THSD7A: variants seen among roughly 807,000 people sequenced by gnomAD.
THSD7A encodes thrombospondin type-1 domain-containing protein 7A.
In THSD7A, 96 loss-of-function variants were observed where a neutral mutation model predicts 231.3. The ratio of observed to expected loss-of-function variants is 0.41; its 90% CI spans 0.35 to 0.49. THSD7A has a LOEUF of 0.49. Ranked by LOEUF, THSD7A falls within the 20% of genes least tolerant of loss-of-function variation. The pLI is 0.05. For missense variants in THSD7A, 2,290 were observed against 2,070.2 expected (o/e 1.11, Z -2.06); for synonymous variants, 940 against 743.3 (o/e 1.26, Z -4.30).
rs775999085 is a variant in THSD7A at position 11,636,433 on chromosome 7, A to G, written c.719T>C (p.Val240Ala). The G allele has an allele frequency of 6.8e-6, 11 of 1,613,540 alleles. No homozygotes were observed. Among genetic ancestry groups the G allele is most frequent in the Middle Eastern group, 1.6e-4 (1 of 6,084 alleles). The stretch of plus-strand genomic sequence containing the variant: ...GGCCTCGCATGGACTGGATTGGCAC[A>G]CCTGGAACTCCGTCAGGTTTGGACA... ...SGCPNLTEFQ[V>A]CQSSPCEAEE... is the part of the protein sequence containing the mutation. The change falls in exon 2 of 28, where the codon GTG becomes GCG. Residue 240 changes from valine (V) to alanine (A), a missense_variant. Physicochemically the swap from Val to Ala is moderately conservative, Grantham distance 64. Coordinates refer to ENST00000423059, the MANE Select transcript of THSD7A (RefSeq NM_015204.3). This position sits in a 1 kb window ranked among gnomAD's most constrained non-coding sequence, Gnocchi z 10.0.
chr7:11,813,277 T>A (rs535196201), intron 1 of THSD7A, among the ~76,000 whole-genome samples: 4 of 152,346 alleles, frequency 2.6e-5, no homozygotes, highest in South Asian at 4.1e-4. Context: ...TAAATGCACT[T>A]TTATTCTTAT....
chr7:11,779,526 T>C lies in THSD7A; in HGVS notation c.190+52231A>G, dbSNP rs372707820. ...TCTTCACCCATATGTTTTGCTGTCT[T>C]ACTCAAGGGCATGTTCTTTCTTTGA... On this transcript the variant is annotated intron_variant, in intron 1 of 27. Coordinates refer to ENST00000423059, the MANE Select transcript of THSD7A (RefSeq NM_015204.3). 5.3e-5 allele frequency among the ~76,000 whole-genome samples: 8 copies of C among 152,332 alleles called. No homozygotes were observed. The East Asian group carries it at 1.5e-3, about 29-fold the overall frequency.
intron 1 of THSD7A, among the ~76,000 whole-genome samples, chr7:11,817,117 C>T (rs199942813): frequency 6.6e-6 from 1 of 152,096 alleles, no homozygotes; most frequent in Non-Finnish European, 1.5e-5. Flanking sequence ...AGATTTTGAA[C>T]CACGTATATT....
rs149912288 is a variant in THSD7A, at chr7:11,716,939, C to G, written c.191-79978G>C. Among the ~76,000 whole-genome samples, 692 of 151,552 alleles carry G rather than the reference C, an allele frequency of 4.6e-3. 3 individuals carry two copies. Among genetic ancestry groups the G allele is most frequent in the Non-Finnish European group, 6.2e-3 (419 of 67,680 alleles). On this transcript the variant is annotated intron_variant, in intron 1 of 27. Transcript: ENST00000423059. ...AAATACCCTGAGTGGTAACGAATAC[C>G]CTTTATGAAATAGAACCACCTTTCT...
Position 11,488,047 on chromosome 7 carries a change from T to C in THSD7A, c.1823-6065A>G, listed in dbSNP as rs1359443927. On this transcript the variant is annotated intron_variant, in intron 6 of 27. Coordinates refer to ENST00000423059, the MANE Select transcript of THSD7A (RefSeq NM_015204.3). ...TGCAACTCACAACATAATGGAATTG[T>C]AAGCAGAAAGGAGAAATTGAAGCAG... Among the ~76,000 whole-genome samples the C allele has an allele frequency of 1.1e-4, 17 of 152,134 alleles. 1 individual carries two copies. The highest frequency in any genetic ancestry group is 1.1e-3 in the Admixed American group (17 of 15,258).
chr7:11,629,478 G>T (rs987787504), intron 2 of THSD7A, among the ~76,000 whole-genome samples: 1 of 152,148 alleles, frequency 6.6e-6, no homozygotes, highest in East Asian at 1.9e-4. Flanking sequence ...AGATCTAAAA[G>T]CCTGCTATTT....
At chr7:11,705,893 CT>C (rs1361491470) in intron 1 of THSD7A, among the ~76,000 whole-genome samples, 2 of 150,772 alleles carry the variant, frequency 1.3e-5, no homozygotes, top group Non-Finnish European at 3.0e-5. Flanking sequence ...CCAGTTAGCC[CT>C]TAATGTAGGT....
chr7:11,641,897 C>G (rs192457327), intron 1 of THSD7A, among the ~76,000 whole-genome samples: 127 of 152,210 alleles, frequency 8.3e-4, no homozygotes, highest in African/African-American at 2.9e-3. Flanking sequence ...ATCTTCCCCA[C>G]AGTACACACG....
In THSD7A at chr7:11,831,675, C is replaced by A. The variant is rs1159241625; in HGVS notation, c.190+82G>T. 1.9e-6 allele frequency: 2 copies of A among 1,073,250 alleles called. No individual in the cohort carries two copies. The highest frequency in any genetic ancestry group is 2.4e-6 in the Non-Finnish European group (2 of 827,568). 66.5% of individuals were successfully genotyped at this position (1,073,250 alleles called of 1,614,324 possible). ...GCATAACCAAGCCATCCAAAAGCAC[C>A]GGGGTCCCTACAGAAGCCCACCAGC... On this transcript the variant is annotated intron_variant, in intron 1 of 27. Transcript: ENST00000423059. This position sits in a 1 kb window ranked among gnomAD's most constrained non-coding sequence, Gnocchi z 5.0.
At position 11,701,138 on chromosome 7, in the gene THSD7A, C is replaced by T. The variant is rs1273107445; in HGVS notation, c.191-64177G>A. Reference sequence around the variant, plus strand: ...AATTTTTTTAGAGCTCTAGATGCATCTTTCAAGATGTGCACAATATTCAAA... The same window carrying T: ...AATTTTTTTAGAGCTCTAGATGCATTTTTCAAGATGTGCACAATATTCAAA... On this transcript the variant is annotated intron_variant, in intron 1 of 27. Transcript: ENST00000423059. 4.6e-5 allele frequency among the ~76,000 whole-genome samples: 7 copies of T among 151,002 alleles called. No individual in the cohort carries two copies. In the Admixed American group the frequency reaches 4.6e-4, roughly 10 times the overall value.
intron 6 of THSD7A, among the ~76,000 whole-genome samples, chr7:11,531,509 T>C (rs1788708338): frequency 6.6e-6 from 1 of 152,214 alleles, no homozygotes; most frequent in Admixed American, 6.5e-5. Flanking sequence ...GGCCATGTTG[T>C]TGTTCCTCAA....
At chr7:11,561,963 T>G (rs1051276177) in intron 4 of THSD7A, among the ~76,000 whole-genome samples, 2 of 152,194 alleles carry the variant, frequency 1.3e-5, no homozygotes, top group Non-Finnish European at 1.5e-5. Flanking sequence ...TATGCTACAC[T>G]TTAATATGGC....
intron 2 of THSD7A, among the ~76,000 whole-genome samples, chr7:11,599,870 T>C (rs574599371): frequency 8.0e-4 from 121 of 152,026 alleles, no homozygotes; most frequent in African/African-American, 2.9e-3. Context: ...ACACCTTTCA[T>C]CTCGGTGGGC....
At chr7:11,772,477 G>A (rs1433428007) in intron 1 of THSD7A, among the ~76,000 whole-genome samples, 1 of 152,092 alleles carries the variant, frequency 6.6e-6, no homozygotes, top group Admixed American at 6.6e-5. Context: ...CAATCTAGAT[G>A]CCCATCAACA....
chr7:11,418,833 T>C (rs1469949352), intron 16 of THSD7A, among the ~76,000 whole-genome samples: 4 of 152,206 alleles, frequency 2.6e-5, no homozygotes, highest in Admixed American at 2.0e-4. Context: ...ATTTTTTTTT[T>C]GTATACTGGA....
chr7:11,668,196 G>C (rs995531566), intron 1 of THSD7A, among the ~76,000 whole-genome samples: 1 of 152,092 alleles, frequency 6.6e-6, no homozygotes, highest in African/African-American at 2.4e-5. Context: ...AGGCCTACAA[G>C]GGTGGATCAC....
At chr7:11,546,145 C>G (rs571252215) in intron 4 of THSD7A, among the ~76,000 whole-genome samples, 8 of 142,736 alleles carry the variant, frequency 5.6e-5, no homozygotes, top group Admixed American at 2.9e-4. Context: ...CTTCCCCAAC[C>G]ATTGTGCCAG....
At chr7:11,730,792 T>C (rs76040822) in intron 1 of THSD7A, among the ~76,000 whole-genome samples, 1 of 151,724 alleles carries the variant, frequency 6.6e-6, no homozygotes, top group East Asian at 2.0e-4. Context: ...TATATTTTCT[T>C]TTCTGTCTCC....
At chr7:11,593,602 A>G in intron 2 of THSD7A, 100 bp from the exon 3 acceptor site, 2 of 1,431,766 alleles carry the variant, frequency 1.4e-6, no homozygotes, top group African/African-American at 1.4e-5. Context: ...TTTTATTTCT[A>G]CTTGGAGGTG....
Sources: allele counts gnomAD v4.1 joint callset (sites outside exome capture counted in the v4.1 genomes callset), GRCh38; gene constraint gnomAD v4.1.1; non-coding constraint Gnocchi (gnomAD v3.1); transcripts MANE v1.5; gene names NCBI Gene and HGNC (gene_info 2026-07-23, HGNC 2026-07-21).